The following MED16 variants were observed in gnomAD, a reference collection of about 807,000 sequenced individuals.
MED16 encodes the protein mediator complex subunit 16.
MED16 carries 81 observed loss-of-function variants against 84.4 expected under a neutral mutation model. That is an observed-to-expected ratio of 0.96 (90% CI 0.80 to 1.15). The LOEUF (loss-of-function observed/expected upper bound fraction) is 1.15, where lower values mean the gene tolerates loss of function less well. MED16 is among the 50% of genes most tolerant of loss of function. The probability of loss-of-function intolerance (pLI) is 0.00; values close to 1 mark genes in which losing one functional copy is unlikely to be tolerated. For synonymous variants in MED16, 897 were observed against 552.2 expected, an observed-to-expected ratio of 1.62 and a Z score of -8.76; for missense variants, 1,585 against 1,245.9, an observed-to-expected ratio of 1.27 and a Z score of -4.10.
intron 11 of MED16, 141 bp downstream of exon 11, chr19:873,308 G>A: frequency 4.4e-6 from 3 of 684,178 alleles, no homozygotes; most frequent in Non-Finnish European, 4.8e-6. Context: ...ACTCCAAGTA[G>A]GGGCGGGACT....
At chr19:871,389 C>T (rs1004386572) in intron 12 of MED16, 136 bp from the exon 13 acceptor site, 47 of 1,305,688 alleles carry the variant, frequency 3.6e-5, no homozygotes, top group Middle Eastern at 2.4e-4. Context: ...TGGGTGACCC[C>T]GGGGTTCTCT....
At chr19:872,907 T>G in intron 11 of MED16, 2 of 1,014,084 alleles carry the variant, frequency 2.0e-6, no homozygotes, top group South Asian at 2.9e-5. Flanking sequence ...AGGAAAGGCT[T>G]CTTACAGCAG....
chr19:874,748 CTG>C (rs1165042829), intron 10 of MED16, among the ~76,000 whole-genome samples: 1 of 152,048 alleles, frequency 6.6e-6, no homozygotes, highest in Non-Finnish European at 1.5e-5. Context: ...TGGCACGTGT[CTG>C]TAATCCCAGC....
Position 879,971 on chromosome 19 carries a change from G to A in MED16, c.1319C>T (p.Ser440Leu). The A allele has an allele frequency of 3.7e-6, 6 of 1,600,046 alleles. No individual in the cohort carries two copies. The highest frequency in any genetic ancestry group is 5.1e-6 in the Non-Finnish European group (6 of 1,173,600). Reference protein sequence around the residue: ...HLKAMQLSWTSLALVGIDSHG... With the variant: ...HLKAMQLSWTLLALVGIDSHG... ...GCTGTCAATCCCCACCAGGGCCAGT[G>A]ACGTCCACGATAGCTGCATAGCCTT... is the stretch of plus-strand genomic sequence containing the variant. Residue 440 changes from serine (S) to leucine (L), a missense_variant, in exon 8 of 16, where the codon TCA (serine) becomes TTA (leucine). Coordinates refer to ENST00000325464, the MANE Select transcript of MED16 (RefSeq NM_005481.3).
At chr19:872,332 G>A (rs1031637836) in intron 11 of MED16, among the ~76,000 whole-genome samples, 1 of 152,016 alleles carries the variant, frequency 6.6e-6, no homozygotes, top group Non-Finnish European at 1.5e-5. Flanking sequence ...CCCATTTGCA[G>A]AGTCGTCCCA....
chr19:871,533 G>T (rs992616218), intron 12 of MED16: 1 of 1,573,908 alleles, frequency 6.4e-7, no homozygotes, highest in South Asian at 1.1e-5. Flanking sequence ...TCCAGACACT[G>T]GGATGTAAGA....
At chr19:870,998 G>T (rs1229557970) in intron 13 of MED16, 39 bp downstream of exon 13, 3 of 1,510,628 alleles carry the variant, frequency 2.0e-6, no homozygotes, top group East Asian at 2.5e-5. Flanking sequence ...ACGGAGGAAG[G>T]AGTCCTGTGT....
chr19:873,361 GT>G (rs1331810848), intron 11 of MED16, 87 bp downstream of exon 11: 6 of 1,332,586 alleles, frequency 4.5e-6, no homozygotes, highest in Non-Finnish European at 6.0e-6. Flanking sequence ...GGCTGAGGTG[GT>G]TTTGAGGGGC....
chr19:879,599 G>A (rs372058557), intron 8 of MED16, among the ~76,000 whole-genome samples: 4 of 14,672 alleles, frequency 2.7e-4, no homozygotes, highest in Non-Finnish European at 3.8e-4. Context: ...TCACCTTCCC[G>A]TGGTTGTCAA....
rs533305338 is a variant in MED16, at chr19:881,325, A to G, written c.1141+234T>C. Among the ~76,000 whole-genome samples the G allele has an allele frequency of 7.9e-5, 12 of 152,318 alleles. 2 individuals carry two copies. The East Asian group carries it at 1.5e-3, about 20-fold the overall frequency. On this transcript the variant is annotated intron_variant, in intron 7 of 15. Transcript: ENST00000325464. ...TTGTTGATTTGCAATGACTCTTTAC[A>G]TATTAAAGAACACTGGATCTGTCTG...
intron 9 of MED16, among the ~76,000 whole-genome samples, chr19:876,524 C>T (rs961818988): frequency 6.6e-6 from 1 of 152,084 alleles, no homozygotes; most frequent in African/African-American, 2.4e-5. Flanking sequence ...TCAGGCCTTA[C>T]CTGTGGGGCT....
chr19:880,921 A>G (rs2036407910), intron 7 of MED16, among the ~76,000 whole-genome samples: 1 of 150,868 alleles, frequency 6.6e-6, no homozygotes, highest in Non-Finnish European at 1.5e-5. Context: ...TGAGACTCCA[A>G]CTCAAAAAAA....
chr19:878,242 C>A, intron 8 of MED16, among the ~76,000 whole-genome samples: 1 of 99,854 alleles, frequency 1.0e-5, no homozygotes, highest in Non-Finnish European at 2.0e-5. Flanking sequence ...CCAGCCCCAG[C>A]CCCAGCCCCA....
intron 7 of MED16, among the ~76,000 whole-genome samples, chr19:880,471 T>C (rs1033894602): frequency 6.6e-5 from 10 of 151,892 alleles, no homozygotes; most frequent in Non-Finnish European, 1.5e-4. Flanking sequence ...GGACCAAGGG[T>C]TGGGGCTCCT....
intron 11 of MED16, chr19:872,801 G>T: frequency 4.3e-6 from 1 of 234,334 alleles, no homozygotes; most frequent in Middle Eastern, 2.0e-3. Context: ...AGCAGCAGCA[G>T]AAGCAAGGCG....
chr19:886,614 GGCC>G (rs1298327885), intron 4 of MED16, among the ~76,000 whole-genome samples: 1 of 152,260 alleles, frequency 6.6e-6, no homozygotes, highest in Admixed American at 6.5e-5. Flanking sequence ...CCCAGGCGGG[GGCC>G]GTCAGGCCCT....
intron 13 of MED16, among the ~76,000 whole-genome samples, chr19:870,324 G>A (rs985224306): frequency 2.0e-5 from 3 of 152,144 alleles, no homozygotes; most frequent in East Asian, 1.9e-4. Flanking sequence ...ACTTTGGGAG[G>A]GCGAGGCAGG....
In MED16 at chr19:875,845, AGAAT is replaced by A. The variant is rs1394744465; in HGVS notation, c.1561-395_1561-392del. On this transcript the variant is annotated intron_variant, in intron 9 of 15. Coordinates refer to ENST00000325464, the MANE Select transcript of MED16 (RefSeq NM_005481.3). Reference sequence around the variant, plus strand: ...CCTACGGGGAGACCCTGGTCTAGAGAGAATGAATGAATGAGCTGAAGCATTTTGG... The same window carrying A: ...CCTACGGGGAGACCCTGGTCTAGAGAGAATGAATGAGCTGAAGCATTTTGG... Among the ~76,000 whole-genome samples, 5 of 152,248 alleles carry A rather than the reference AGAAT, an allele frequency of 3.3e-5. No homozygotes were observed. In the East Asian group the frequency reaches 9.7e-4, roughly 29 times the overall value.
At chr19:880,239 C>CGGGGCTGCCCATCCAGG (rs1014183205) in intron 7 of MED16, 91 bp from the exon 8 acceptor site, 213 of 1,246,826 alleles carry the variant, frequency 1.7e-4, no homozygotes, top group East Asian at 1.6e-3. Context: ...TGTGGAGAGC[C>CGGGGCTGCCCATCCAGG]GGGGCTGCCC....
Sources: gnomAD v4.1 joint callset for allele counts (sites outside exome capture counted in the v4.1 genomes callset) on GRCh38, gnomAD v4.1.1 for gene constraint, MANE v1.5 for transcripts, NCBI Gene and HGNC (gene_info 2026-07-23, HGNC 2026-07-21) for gene names.